Variants in C6orf132 observed in about 807,000 individuals in gnomAD.
The protein encoded by C6orf132 is uncharacterized protein C6orf132.
A neutral mutation model predicts 65.3 loss-of-function variants in C6orf132; 43 were observed. That is an observed-to-expected ratio of 0.66 (90% CI 0.52 to 0.85). The LOEUF (loss-of-function observed/expected upper bound fraction) is 0.85. C6orf132 is among the 40% of genes least tolerant of loss of function. The pLI, the probability that C6orf132 is intolerant of heterozygous loss-of-function variation, is 0.00. For synonymous variants in C6orf132, 631 were observed against 654.1 expected (o/e 0.96, Z 0.54); for missense variants, 1,488 against 1,548.8 (o/e 0.96, Z 0.66).
chr6:42,126,091 T>G (rs35351052), intron 2 of C6orf132, among the ~76,000 whole-genome samples: 1 of 150,970 alleles, frequency 6.6e-6, no homozygotes, highest in African/African-American at 2.4e-5. Context: ...TTGTTTTTTG[T>G]TTTTTTTTGA....
chr6:42,104,013 G>A lies in C6orf132; in HGVS notation c.3450-135C>T, dbSNP rs1766341937. 1.7e-6 allele frequency: 1 copy of A among 579,830 alleles called. No homozygotes were observed. Among genetic ancestry groups the A allele is most frequent in the Non-Finnish European group, 2.6e-6 (1 of 377,672 alleles). The allele number at this position is 579,830 out of a possible 1,614,324, so 35.9% of individuals were successfully genotyped here. ...TGCCCCGACAAGCCCTGGGCTTATC[G>A]ACCCCAGGGAGGGACCGCAGACATC... On this transcript the variant is annotated intron_variant, in intron 4 of 4. Coordinates refer to ENST00000341865, the MANE Select transcript of C6orf132 (RefSeq NM_001164446.3). The surrounding 1 kb of genome is among the most constrained non-coding windows in gnomAD (Gnocchi z 4.1).
intron 1 of C6orf132, among the ~76,000 whole-genome samples, chr6:42,139,139 A>G (rs1259994808): frequency 1.3e-5 from 2 of 152,140 alleles, no homozygotes; most frequent in East Asian, 1.9e-4. Flanking sequence ...ACACATCCCT[A>G]CATTGATTTT....
rs774866054 is a variant in C6orf132 at position 42,105,409 on chromosome 6, G to A, written c.2503C>T (p.Arg835Trp). ...RHPVTGEVVERGSPMALLLAA... is the reference protein window; with the variant it reads ...RHPVTGEVVEWGSPMALLLAA... ...AGGAGCAGGGCCATCGGCGAGCCCCGCTCCACCACCTCCCCAGTCACCGGG... is the reference window on the plus strand; with the variant it reads ...AGGAGCAGGGCCATCGGCGAGCCCCACTCCACCACCTCCCCAGTCACCGGG... The change falls in exon 4 of 5, where the codon CGG (arginine) becomes TGG (tryptophan). Residue 835 changes from arginine to tryptophan, a missense_variant. By Grantham distance (101) the Arg-to-Trp change is moderately radical. Coordinates refer to ENST00000341865, the MANE Select transcript of C6orf132 (RefSeq NM_001164446.3). The A allele has an allele frequency of 2.8e-5, 43 of 1,535,366 alleles. No homozygotes were observed. The highest frequency in any genetic ancestry group is 3.5e-5 in the Non-Finnish European group (40 of 1,146,216).
At chr6:42,132,924 T>C (rs1030144357) in intron 1 of C6orf132, among the ~76,000 whole-genome samples, 25 of 151,494 alleles carry the variant, frequency 1.7e-4, no homozygotes, top group Admixed American at 1.4e-3. Flanking sequence ...GCCAACTCTC[T>C]GGGCCCCTCA....
At position 42,120,309 on chromosome 6, in the gene C6orf132, C is replaced by T. The variant is rs55814832; in HGVS notation, c.252+8363G>A. ...TTGCCCAGGCTGGAGTGCAGTGGCGCGATCTCGGCTCACTGCAAGCTCCGC... is the reference window on the plus strand; with the variant it reads ...TTGCCCAGGCTGGAGTGCAGTGGCGTGATCTCGGCTCACTGCAAGCTCCGC... On this transcript the variant is annotated intron_variant, in intron 2 of 4. Transcript: ENST00000341865. Among the ~76,000 whole-genome samples the T allele has an allele frequency of 7.7e-5, 11 of 143,758 alleles. 1 individual carries two copies. In the East Asian group the frequency reaches 2.0e-3, roughly 26 times the overall value. 94.3% of individuals were successfully genotyped at this position (143,758 alleles called of 152,430 possible).
intron 1 of C6orf132, among the ~76,000 whole-genome samples, chr6:42,142,078 TG>T (rs1459940857): frequency 6.6e-6 from 1 of 151,938 alleles, no homozygotes; most frequent in Non-Finnish European, 1.5e-5. Flanking sequence ...CACCTCCCCG[TG>T]GTGGTGGGGG....
rs1419370337 is a variant in C6orf132, at chr6:42,105,969, T to C, written c.1943A>G (p.Glu648Gly). ...GPAIPPKATP[E>G]PAIPPKATLW... The stretch of plus-strand genomic sequence containing the variant: ...TGTAGCCTTGGGTGGTATGGCTGGC[T>C]CAGGTGTGGCCTTGGGTGGTATGGC... Residue 648 changes from glutamate (E) to glycine (G), a missense_variant, in exon 4 of 5, where the codon GAG becomes GGG. Coordinates refer to ENST00000341865, the MANE Select transcript of C6orf132 (RefSeq NM_001164446.3). 1 of 1,536,884 alleles carries C rather than the reference T, an allele frequency of 6.5e-7. No homozygotes were observed. Among genetic ancestry groups the C allele is most frequent in the South Asian group, 1.2e-5 (1 of 84,044 alleles).
In C6orf132 at chr6:42,103,335, G is replaced by C. The variant is rs549487708; in HGVS notation, c.*426C>G. The C allele has an allele frequency of 1.0e-5, 4 of 397,520 alleles. No homozygotes were observed. Among genetic ancestry groups the C allele is most frequent in the African/African-American group, 8.2e-5 (4 of 48,736 alleles). 24.6% of individuals were successfully genotyped at this position (397,520 alleles called of 1,614,324 possible). On this transcript the variant is annotated 3_prime_UTR_variant, in exon 5 of 5. Transcript: ENST00000341865. Reference sequence around the variant, plus strand: ...GGGCCTCAGCCCTTTGCAAGGGCCTGACAGGCAATCACAGCTATCTCGATG... The same window carrying C: ...GGGCCTCAGCCCTTTGCAAGGGCCTCACAGGCAATCACAGCTATCTCGATG...
intron 2 of C6orf132, among the ~76,000 whole-genome samples, chr6:42,127,461 T>C (rs948754185): frequency 6.6e-6 from 1 of 151,998 alleles, no homozygotes; most frequent in African/African-American, 2.4e-5. Context: ...AAGTTGGACA[T>C]AGCAGAAAAA....
chr6:42,131,641 G>A (rs1316653901), intron 1 of C6orf132, among the ~76,000 whole-genome samples: 3 of 152,174 alleles, frequency 2.0e-5, no homozygotes, highest in Admixed American at 2.0e-4. Flanking sequence ...AACGGGAGGT[G>A]AGGCAGCTTG....
chr6:42,110,376 G>C, intron 2 of C6orf132, 85 bp from the exon 3 acceptor site: 2 of 1,089,218 alleles, frequency 1.8e-6, no homozygotes, highest in Non-Finnish European at 2.6e-6. Context: ...CCATTTTACT[G>C]CTTGAAAATC....
intron 2 of C6orf132, among the ~76,000 whole-genome samples, chr6:42,117,027 G>C (rs1319820053): frequency 6.6e-6 from 1 of 152,132 alleles, no homozygotes; most frequent in Non-Finnish European, 1.5e-5. Flanking sequence ...CCTTGTTCTT[G>C]TTCTTACTCT....
In C6orf132 at chr6:42,106,197, G is replaced by A; in HGVS notation, c.1715C>T (p.Ala572Val). Residue 572 changes from alanine to valine, a missense_variant, in exon 4 of 5, where the codon GCC becomes GTC. Coordinates refer to ENST00000341865, the MANE Select transcript of C6orf132 (RefSeq NM_001164446.3). ...SVRQIRNELE[A>V]RLSSAAEKEA... ...CTTCTCTGCTGCTGAGGAGAGCCGG[G>A]CCTCCAGCTCATTCCGGATCTGCCG... 1 of 1,537,234 alleles carries A rather than the reference G, an allele frequency of 6.5e-7. No homozygotes were observed. Among genetic ancestry groups the A allele is most frequent in the Non-Finnish European group, 8.7e-7 (1 of 1,146,898 alleles).
chr6:42,135,505 A>G (rs1436710556), intron 1 of C6orf132, among the ~76,000 whole-genome samples: 1 of 152,168 alleles, frequency 6.6e-6, no homozygotes, highest in Non-Finnish European at 1.5e-5. Context: ...CCCCGAGCGG[A>G]GGAGCCTCAC....
At chr6:42,115,934 C>CTTTTTTTTTTTTTTTTTTTTT in intron 2 of C6orf132, among the ~76,000 whole-genome samples, 1 of 106,392 alleles carries the variant, frequency 9.4e-6, no homozygotes, top group Non-Finnish European at 1.9e-5. Context: ...TTTTCTTTTT[C>CTTTTTTTTTTTTTTTTTTTTT]TTTTTTTTTT....
intron 2 of C6orf132, among the ~76,000 whole-genome samples, chr6:42,123,472 G>A (rs147032375): frequency 3.7e-5 from 3 of 81,930 alleles, no homozygotes; most frequent in East Asian, 2.7e-4. Flanking sequence ...GGAGAAGAAG[G>A]AGAAGGAGAA....
chr6:42,142,255 G>T (rs1022920645), intron 1 of C6orf132, 45 bp downstream of exon 1: 2 of 1,528,960 alleles, frequency 1.3e-6, no homozygotes, highest in Admixed American at 2.0e-5. Flanking sequence ...CTGCCCCAGC[G>T]CCCTCCGTCC....
intron 2 of C6orf132, among the ~76,000 whole-genome samples, chr6:42,125,364 G>C (rs1307951707): frequency 6.6e-6 from 1 of 152,170 alleles, no homozygotes; most frequent in Non-Finnish European, 1.5e-5. Context: ...ACAGCACCTT[G>C]CTCGGAGGGT....
intron 2 of C6orf132, among the ~76,000 whole-genome samples, chr6:42,115,654 AAAAT>A (rs760676270): frequency 2.6e-3 from 400 of 152,322 alleles, no homozygotes; most frequent in Non-Finnish European, 4.0e-3. Context: ...TCAAAAAAAT[AAAAT>A]AAATAAATAA....
Sources: allele counts gnomAD v4.1 joint callset (sites outside exome capture counted in the v4.1 genomes callset), GRCh38; gene constraint gnomAD v4.1.1; non-coding constraint Gnocchi (gnomAD v3.1); transcripts MANE v1.5; gene names NCBI Gene and HGNC (gene_info 2026-07-23, HGNC 2026-07-21).